The following LRP1B variants were observed in gnomAD, a reference collection of about 807,000 sequenced individuals.
LRP1B encodes the protein low-density lipoprotein receptor-related protein 1B.
LRP1B carries 217 observed loss-of-function variants against 556.6 expected under a neutral mutation model. That is an observed-to-expected ratio of 0.39 (90% CI 0.35 to 0.44). The LOEUF (loss-of-function observed/expected upper bound fraction) is 0.44. Ranked by LOEUF, LRP1B falls within the 20% of genes least tolerant of loss-of-function variation. LRP1B has a pLI of 1.00. For missense variants in LRP1B, 5,053 were observed against 5,620.8 expected (o/e 0.90, Z 3.23); for synonymous variants, 2,047 against 1,865.8 (o/e 1.10, Z -2.50).
chr2:140,906,089 A>G (rs540965646), intron 22 of LRP1B, among the ~76,000 whole-genome samples: 1 of 152,246 alleles, frequency 6.6e-6, no homozygotes, highest in African/African-American at 2.4e-5. Context: ...CATTGTTCTA[A>G]GTCTTCATGA....
chr2:140,881,822 A>G (rs10496856), intron 25 of LRP1B, among the ~76,000 whole-genome samples: 56,181 of 151,920 alleles, frequency 0.37, 11,019 homozygotes, highest in African/African-American at 0.51. Flanking sequence ...CACTGAAATC[A>G]TATTTGGTAT....
intron 71 of LRP1B, among the ~76,000 whole-genome samples, chr2:140,368,254 AG>A (rs1342737114): frequency 3.3e-5 from 5 of 151,978 alleles, no homozygotes; most frequent in Admixed American, 2.6e-4. Flanking sequence ...TTAGGAAAAT[AG>A]AAAAGTATAT....
intron 3 of LRP1B, among the ~76,000 whole-genome samples, chr2:141,302,698 C>A (rs1686442532): frequency 6.6e-6 from 1 of 152,008 alleles, no homozygotes; most frequent in Non-Finnish European, 1.5e-5. Context: ...TTGATCTATG[C>A]AATTTGTTTC....
chr2:141,329,946 T>C (rs1281207860), intron 3 of LRP1B, among the ~76,000 whole-genome samples: 3 of 150,146 alleles, frequency 2.0e-5, no homozygotes, highest in Admixed American at 2.0e-4. Context: ...TTGATTCCTC[T>C]CATGGTATTG....
chr2:141,295,098 T>G (rs1686131695), intron 3 of LRP1B, among the ~76,000 whole-genome samples: 3 of 152,118 alleles, frequency 2.0e-5, no homozygotes, highest in Admixed American at 2.0e-4. Flanking sequence ...GAAACTTCAC[T>G]GAAATATAAT....
chr2:141,305,330 A>C (rs1686545570), intron 3 of LRP1B, among the ~76,000 whole-genome samples: 1 of 151,946 alleles, frequency 6.6e-6, no homozygotes, highest in Non-Finnish European at 1.5e-5. Context: ...TAGGTGTTTT[A>C]TTTTATTTTA....
chr2:140,993,270 A>C (rs1011682260), intron 16 of LRP1B, among the ~76,000 whole-genome samples: 1 of 152,122 alleles, frequency 6.6e-6, no homozygotes, highest in African/African-American at 2.4e-5. Flanking sequence ...CCTTCTTTTC[A>C]TATAAAATAT....
chr2:141,562,642 C>T (rs1686201433), intron 2 of LRP1B, among the ~76,000 whole-genome samples: 1 of 151,908 alleles, frequency 6.6e-6, no homozygotes, highest in African/African-American at 2.4e-5. Flanking sequence ...GAGAAAGTTG[C>T]ACAACCGCTG....
chr2:140,519,597 C>G (rs1462563797), intron 49 of LRP1B, among the ~76,000 whole-genome samples: 1 of 152,034 alleles, frequency 6.6e-6, no homozygotes, highest in Non-Finnish European at 1.5e-5. Context: ...CAACAAAAGC[C>G]AAAATAGACA....
At chr2:141,851,636 C>T (rs572388935) in intron 1 of LRP1B, among the ~76,000 whole-genome samples, 1 of 151,768 alleles carries the variant, frequency 6.6e-6, no homozygotes, top group South Asian at 2.1e-4. Flanking sequence ...GCATTGAGTA[C>T]CTTACCTATA....
At chr2:141,877,098 C>A (rs1698790210) in intron 1 of LRP1B, among the ~76,000 whole-genome samples, 1 of 151,966 alleles carries the variant, frequency 6.6e-6, no homozygotes, top group Non-Finnish European at 1.5e-5. Context: ...ATTAAAGTTT[C>A]ATCCTACGAC....
intron 41 of LRP1B, among the ~76,000 whole-genome samples, chr2:140,660,690 CTTTGT>C (rs1476129795): frequency 1.3e-5 from 2 of 151,912 alleles, no homozygotes; most frequent in African/African-American, 4.8e-5. Flanking sequence ...TCTTTCTTTT[CTTTGT>C]TTTATGTCTT....
intron 3 of LRP1B, among the ~76,000 whole-genome samples, chr2:141,270,423 A>T (rs1353603454): frequency 1.3e-5 from 2 of 151,732 alleles, no homozygotes; most frequent in Admixed American, 6.6e-5. Context: ...ACACTATTCC[A>T]CTTCTGGGCA....
chr2:141,234,920 T>A (rs1438954523), intron 5 of LRP1B, among the ~76,000 whole-genome samples: 1 of 152,094 alleles, frequency 6.6e-6, no homozygotes, highest in Admixed American at 6.6e-5. Flanking sequence ...GAAAAAAATA[T>A]AGCATTGAAA....
At chr2:142,086,172 T>C (rs1705913112) in intron 1 of LRP1B, among the ~76,000 whole-genome samples, 1 of 152,154 alleles carries the variant, frequency 6.6e-6, no homozygotes. Flanking sequence ...AGTGCGAAAA[T>C]GTGTTGCTAT....
intron 1 of LRP1B, among the ~76,000 whole-genome samples, chr2:141,877,815 A>G (rs1698820150): frequency 6.6e-6 from 1 of 151,992 alleles, no homozygotes; most frequent in Non-Finnish European, 1.5e-5. Flanking sequence ...GGAACTGTCC[A>G]TAAAAGGGTA....
intron 1 of LRP1B, among the ~76,000 whole-genome samples, chr2:141,853,133 CAAAT>C (rs1448336061): frequency 1.3e-4 from 19 of 151,452 alleles, no homozygotes; most frequent in Admixed American, 7.9e-4. Context: ...AAAATGAAAA[CAAAT>C]AAACTCATGG....
At chr2:141,883,282 T>C (rs953358445) in intron 1 of LRP1B, among the ~76,000 whole-genome samples, 2 of 152,134 alleles carry the variant, frequency 1.3e-5, no homozygotes, top group Non-Finnish European at 2.9e-5. Flanking sequence ...TTTGTACTTA[T>C]AATAGCACTA....
At chr2:140,931,300 T>C (rs1312596751) in intron 20 of LRP1B, among the ~76,000 whole-genome samples, 7 of 152,148 alleles carry the variant, frequency 4.6e-5, no homozygotes, top group African/African-American at 1.4e-4. Context: ...ACATGTCACT[T>C]CCCTACCTTT....
Sources: gnomAD v4.1 joint callset for allele counts (sites outside exome capture counted in the v4.1 genomes callset) on GRCh38, gnomAD v4.1.1 for gene constraint, MANE v1.5 for transcripts, NCBI Gene and HGNC (gene_info 2026-07-23, HGNC 2026-07-21) for gene names.